The following PDE4D variants were observed in gnomAD, a reference collection of about 807,000 sequenced individuals.
PDE4D encodes 3',5'-cyclic-AMP phosphodiesterase 4D.
In PDE4D, 24 loss-of-function variants were observed where a neutral mutation model predicts 87.4. The observed-to-expected ratio is 0.27, with a 90% CI of 0.20 to 0.39. The LOEUF is 0.39. Among genes scored for constraint, PDE4D ranks in the 10% least tolerant of loss-of-function variants. The pLI is 1.00. For missense variants in PDE4D, 714 were observed against 1,041.0 expected, an observed-to-expected ratio of 0.69 and a Z score of 4.32; for synonymous variants, 384 against 383.2, an observed-to-expected ratio of 1.00 and a Z score of -0.02.
In PDE4D at chr5:59,049,548, T is replaced by C. The variant is rs183753236; in HGVS notation, c.809-10577A>G. On this transcript the variant is annotated intron_variant, in intron 5 of 14. Coordinates refer to ENST00000340635, the MANE Select transcript of PDE4D (RefSeq NM_001104631.2). ...GACAAGTATTATGGTATATCATTCATATGTAATGATCCTTACAAAATAGAG... is the reference window on the plus strand; with the variant it reads ...GACAAGTATTATGGTATATCATTCACATGTAATGATCCTTACAAAATAGAG... 1.8e-3 allele frequency among the ~76,000 whole-genome samples: 280 copies of C among 152,346 alleles called. 2 individuals are homozygous for C. Among genetic ancestry groups the C allele is most frequent in the African/African-American group, 6.5e-3 (269 of 41,590 alleles).
At chr5:59,239,525 T>C (rs1236049081) in intron 1 of PDE4D, among the ~76,000 whole-genome samples, 1 of 152,198 alleles carries the variant, frequency 6.6e-6, no homozygotes, top group Non-Finnish European at 1.5e-5. Context: ...ACAGAGAATG[T>C]ACTATTTTTA....
At chr5:59,845,742 C>A (rs745588080) in intron 1 of PDE4D, among the ~76,000 whole-genome samples, 19 of 152,018 alleles carry the variant, frequency 1.2e-4, no homozygotes, top group East Asian at 3.9e-4. Flanking sequence ...GGATATGGAA[C>A]CTGATTCTAT....
At chr5:59,928,382 A>G (rs928227490) in intron 3 of PDE4D, among the ~76,000 whole-genome samples, 2 of 150,514 alleles carry the variant, frequency 1.3e-5, no homozygotes, top group African/African-American at 5.0e-5. Context: ...GTTTGAGACC[A>G]GCCTGGCCAA....
At chr5:59,010,176 A>T (rs995976837) in intron 6 of PDE4D, among the ~76,000 whole-genome samples, 1 of 152,044 alleles carries the variant, frequency 6.6e-6, no homozygotes, top group Non-Finnish European at 1.5e-5. Flanking sequence ...AAATACAAAA[A>T]ATTAGCAGGG....
At chr5:59,248,153 A>G (rs1759253232) in intron 1 of PDE4D, among the ~76,000 whole-genome samples, 1 of 148,782 alleles carries the variant, frequency 6.7e-6, no homozygotes, top group African/African-American at 2.5e-5. Flanking sequence ...CTATTTTACA[A>G]AATACAAGAA....
At chr5:60,403,016 A>G (rs551335248) in intron 1 of PDE4D, among the ~76,000 whole-genome samples, 1 of 152,240 alleles carries the variant, frequency 6.6e-6, no homozygotes, top group East Asian at 1.9e-4. Flanking sequence ...AAACCAAACC[A>G]TTTACAGAAG....
chr5:60,509,106 G>A (rs1206931000), intron 1 of PDE4D, among the ~76,000 whole-genome samples: 1 of 152,000 alleles, frequency 6.6e-6, no homozygotes, highest in Non-Finnish European at 1.5e-5. Context: ...CACCATGTTG[G>A]CCAGGCTGGT....
chr5:59,499,656 A>C (rs889562511), intron 1 of PDE4D, among the ~76,000 whole-genome samples: 1 of 152,080 alleles, frequency 6.6e-6, no homozygotes, highest in African/African-American at 2.4e-5. Context: ...TCTATGCACA[A>C]AAACTAGAAA....
intron 1 of PDE4D, among the ~76,000 whole-genome samples, chr5:59,757,466 T>C (rs1303670916): frequency 1.3e-5 from 2 of 152,146 alleles, no homozygotes; most frequent in Non-Finnish European, 2.9e-5. Flanking sequence ...ATATCTCAAG[T>C]CAAAGAGACT....
intron 2 of PDE4D, among the ~76,000 whole-genome samples, chr5:60,178,910 C>T (rs1363293044): frequency 1.3e-5 from 2 of 152,132 alleles, no homozygotes; most frequent in Non-Finnish European, 2.9e-5. Flanking sequence ...TATACAGTTC[C>T]GTGGGATGTA....
At chr5:60,449,521 A>T (rs1745924531) in intron 1 of PDE4D, among the ~76,000 whole-genome samples, 2 of 148,968 alleles carry the variant, frequency 1.3e-5, no homozygotes, top group Non-Finnish European at 3.0e-5. Context: ...GAGGGATAGC[A>T]CTGGGAGATA....
intron 1 of PDE4D, among the ~76,000 whole-genome samples, chr5:59,361,413 T>C (rs988311452): frequency 6.6e-6 from 1 of 152,222 alleles, no homozygotes; most frequent in Non-Finnish European, 1.5e-5. Flanking sequence ...ACTGATTGTC[T>C]TGTTCAATTC....
At chr5:59,635,855 G>T (rs1445936407) in intron 1 of PDE4D, among the ~76,000 whole-genome samples, 1 of 152,120 alleles carries the variant, frequency 6.6e-6, no homozygotes, top group Non-Finnish European at 1.5e-5. Context: ...CACCACTCCT[G>T]TTCAACACAG....
intron 1 of PDE4D, among the ~76,000 whole-genome samples, chr5:59,339,307 C>T (rs530145956): frequency 6.6e-6 from 1 of 152,222 alleles, no homozygotes. Context: ...TTTATATTTT[C>T]TCAAAGCCAT....
rs1463603222 is a variant in PDE4D, at chr5:59,180,687, T to C, written c.759-43A>G. On this transcript the variant is annotated intron_variant, in intron 4 of 14. Coordinates refer to ENST00000340635, the MANE Select transcript of PDE4D (RefSeq NM_001104631.2). The stretch of plus-strand genomic sequence containing the variant: ...ACACAAAGCAGTAAATATGTGGGGC[T>C]TATTGATTTGATCACTCTCTGAGTC... 4 of 1,556,622 alleles carry C rather than the reference T, an allele frequency of 2.6e-6. No individual in the cohort carries two copies. The South Asian group carries it at 4.5e-5, about 18-fold the overall frequency.
rs1360761971 is a variant in PDE4D, at chr5:58,971,743, A to C, written c.*2921T>G. 6.6e-6 allele frequency: 1 copy of C among 152,438 alleles called. No homozygotes were observed. Among genetic ancestry groups the C allele is most frequent in the Non-Finnish European group, 1.5e-5 (1 of 67,984 alleles). The allele number at this position is 152,438 out of a possible 1,614,324, so 9.4% of individuals were successfully genotyped here. On this transcript the variant is annotated 3_prime_UTR_variant, in exon 15 of 15. Transcript: ENST00000340635. ...GCACTGGTTTTACACAAACTTGGAC[A>C]TTTTTTTCCCCATACAGTACCCAGA...
intron 1 of PDE4D, among the ~76,000 whole-genome samples, chr5:59,467,307 C>G (rs1463018959): frequency 6.6e-6 from 1 of 152,048 alleles, no homozygotes; most frequent in Non-Finnish European, 1.5e-5. Context: ...TGTTCAAAGA[C>G]TTGAGGAAAG....
At chr5:59,406,717 T>C (rs1350150525) in intron 1 of PDE4D, among the ~76,000 whole-genome samples, 1 of 152,144 alleles carries the variant, frequency 6.6e-6, no homozygotes, top group Non-Finnish European at 1.5e-5. Flanking sequence ...TGATTTTATT[T>C]ATTAGCATCT....
intron 5 of PDE4D, among the ~76,000 whole-genome samples, chr5:59,128,038 GTGTGTGTGTGT>G (rs1775736817): frequency 6.7e-6 from 1 of 149,964 alleles, no homozygotes; most frequent in Non-Finnish European, 1.5e-5. Context: ...GTGTGTGTGT[GTGTGTGTGTGT>G]GTGTCCCTCA....
Sources: gnomAD v4.1 joint callset for allele counts (sites outside exome capture counted in the v4.1 genomes callset) on GRCh38, gnomAD v4.1.1 for gene constraint, MANE v1.5 for transcripts, NCBI Gene and HGNC (gene_info 2026-07-23, HGNC 2026-07-21) for gene names.